Variants in TBC1D19 observed in about 807,000 individuals in gnomAD.
TBC1D19 encodes the protein TBC1 domain family member 19, also known as TBC1 domain family, member 19.
In TBC1D19, 60 loss-of-function variants were observed where a neutral mutation model predicts 89.0. The ratio of observed to expected loss-of-function variants is 0.67; its 90% CI spans 0.55 to 0.84. TBC1D19 has a LOEUF of 0.84. TBC1D19 is among the 40% of genes least tolerant of loss of function. The pLI is 0.00. For missense variants in TBC1D19, 500 were observed against 610.8 expected (o/e 0.82, Z 1.91); for synonymous variants, 189 against 199.7 (o/e 0.95, Z 0.45).
the TBC1D19 span, among the ~76,000 whole-genome samples, chr4:26,784,084 A>G: frequency 2.0e-5 from 3 of 152,068 alleles, no homozygotes; most frequent in African/African-American, 7.2e-5. Context: ...ATTTTTGGCC[A>G]CTCAATGGCT....
chr4:26,718,140 A>T (rs1229637550), intron 14 of TBC1D19, 123 bp downstream of exon 14: 1 of 677,586 alleles, frequency 1.5e-6, no homozygotes, highest in African/African-American at 1.8e-5. Context: ...TTTCTCTCAG[A>T]TGACCGTAAT....
intron 17 of TBC1D19, chr4:26,740,737 A>C: frequency 4.1e-6 from 4 of 985,364 alleles, no homozygotes; most frequent in Non-Finnish European, 3.6e-6. Flanking sequence ...ACTCCAGGTG[A>C]AACATTCAAT....
the TBC1D19 span, among the ~76,000 whole-genome samples, chr4:26,762,941 G>A: frequency 6.6e-6 from 1 of 152,082 alleles, no homozygotes; most frequent in Non-Finnish European, 1.5e-5. Context: ...TAGGACTTTT[G>A]ACCTCCAGAA....
chr4:26,839,618 C>T, the TBC1D19 span, among the ~76,000 whole-genome samples: 4 of 152,000 alleles, frequency 2.6e-5, no homozygotes, highest in Admixed American at 6.6e-5. Context: ...AAAAATTAGT[C>T]TCTACCCTTG....
Position 26,637,403 on chromosome 4 carries a change from T to C in TBC1D19, c.369+118T>C, listed in dbSNP as rs570712376. 2.1e-5 allele frequency: 17 copies of C among 808,386 alleles called. No homozygotes were observed. In the East Asian group the frequency reaches 3.8e-4, roughly 18 times the overall value. 50.1% of individuals were successfully genotyped at this position (808,386 alleles called of 1,614,324 possible). On this transcript the variant is annotated intron_variant, in intron 5 of 20. Coordinates refer to ENST00000264866, the MANE Select transcript of TBC1D19 (RefSeq NM_018317.4). ...ATTTATTTATTTAGAGACAGAGTCTTGCTCTGTCACCCAGGCTGGAGTGCA... is the reference window on the plus strand; with the variant it reads ...ATTTATTTATTTAGAGACAGAGTCTCGCTCTGTCACCCAGGCTGGAGTGCA...
chr4:26,811,276 G>A, the TBC1D19 span, among the ~76,000 whole-genome samples: 3 of 152,362 alleles, frequency 2.0e-5, no homozygotes, highest in East Asian at 1.9e-4. Flanking sequence ...AACACTGCAT[G>A]TTCTCACTCA....
chr4:26,851,860 C>T, the TBC1D19 span, among the ~76,000 whole-genome samples: 6 of 152,262 alleles, frequency 3.9e-5, no homozygotes, highest in East Asian at 9.7e-4. Context: ...GGACTACAGG[C>T]GTGTGCCACC....
intron 1 of TBC1D19, among the ~76,000 whole-genome samples, chr4:26,586,915 C>T (rs1189252992): frequency 6.6e-6 from 1 of 152,098 alleles, no homozygotes; most frequent in African/African-American, 2.4e-5. Flanking sequence ...TTACTTCTTC[C>T]TTTCCAATCC....
At chr4:26,731,065 A>T (rs999869386) in intron 15 of TBC1D19, among the ~76,000 whole-genome samples, 5 of 152,210 alleles carry the variant, frequency 3.3e-5, no homozygotes, top group African/African-American at 4.8e-5. Flanking sequence ...CAGGTTAAGT[A>T]ACATACGTAA....
At chr4:26,640,963 G>T (rs1332154921) in intron 7 of TBC1D19, among the ~76,000 whole-genome samples, 1 of 152,168 alleles carries the variant, frequency 6.6e-6, no homozygotes, top group Non-Finnish European at 1.5e-5. Context: ...CTCCATCTCT[G>T]GGGGCAGGGC....
chr4:26,803,049 G>C, the TBC1D19 span, among the ~76,000 whole-genome samples: 2 of 152,028 alleles, frequency 1.3e-5, no homozygotes, highest in Non-Finnish European at 2.9e-5. Flanking sequence ...TCTCCTAAAG[G>C]CTCCACCTCT....
intron 8 of TBC1D19, among the ~76,000 whole-genome samples, chr4:26,664,382 C>T (rs1711595570): frequency 6.6e-6 from 1 of 152,064 alleles, no homozygotes; most frequent in African/African-American, 2.4e-5. Flanking sequence ...TCTGTTCATG[C>T]TTTTTAACAT....
Position 26,739,848 on chromosome 4 carries a change from A to T in TBC1D19, c.1118-16A>T. ...CAGTAGTTCTGCAGTATTATAAATT[A>T]ATTTTTTTCTTTCAGTTGCACCACT... On this transcript the variant is annotated splice_polypyrimidine_tract_variant and intron_variant, in intron 16 of 20. Coordinates refer to ENST00000264866, the MANE Select transcript of TBC1D19 (RefSeq NM_018317.4). 1 of 1,453,406 alleles carries T rather than the reference A, an allele frequency of 6.9e-7. No individual in the cohort carries two copies. The highest frequency in any genetic ancestry group is 9.4e-7 in the Non-Finnish European group (1 of 1,068,826). 90.0% of individuals were successfully genotyped at this position (1,453,406 alleles called of 1,614,324 possible).
intron 6 of TBC1D19, 41 bp downstream of exon 6, chr4:26,638,875 A>G: frequency 6.9e-7 from 1 of 1,438,884 alleles, no homozygotes; most frequent in Non-Finnish European, 9.6e-7. Flanking sequence ...GTGGAAAAAT[A>G]ATTGCCTTCT....
At chr4:26,579,608 C>G (rs774484700), upstream of TBC1D19, among the ~76,000 whole-genome samples, 1 of 151,904 alleles carries the variant, frequency 6.6e-6, no homozygotes, top group Non-Finnish European at 1.5e-5. Context: ...CCATCATCTA[C>G]GTTTTAAGCC....
In TBC1D19 at chr4:26,584,150, G is replaced by C; in HGVS notation, c.-44G>C. 6.3e-7 allele frequency: 1 copy of C among 1,587,264 alleles called. No homozygotes were observed. Among genetic ancestry groups the C allele is most frequent in the Non-Finnish European group, 8.6e-7 (1 of 1,166,140 alleles). On this transcript the variant is annotated 5_prime_UTR_variant, in exon 1 of 21. Coordinates refer to ENST00000264866, the MANE Select transcript of TBC1D19 (RefSeq NM_018317.4). ...GGACCCGGTAGCCCGTTCGCTCCGCGCCGGCGGCCTGTCCCCGCGGCTTGG... is the reference window on the plus strand; with the variant it reads ...GGACCCGGTAGCCCGTTCGCTCCGCCCCGGCGGCCTGTCCCCGCGGCTTGG...
At position 26,613,345 on chromosome 4, in the gene TBC1D19, C is replaced by T. The variant is rs115720834; in HGVS notation, c.172+104C>T. 3.7e-3 allele frequency: 2,650 copies of T among 718,666 alleles called. 43 individuals are homozygous for T. In the African/African-American group the frequency reaches 0.043, roughly 12 times the overall value. The allele number at this position is 718,666 out of a possible 1,614,324, so 44.5% of individuals were successfully genotyped here. A position where few individuals can be genotyped will look rare whatever the true frequency, so the allele number is the denominator to read the frequency against. ...TTGTACAACCACCTTACTTTGTTGT[C>T]GTTCTGTTTTGTTTTGTTTTAGGCT... On this transcript the variant is annotated intron_variant, in intron 2 of 20. Coordinates refer to ENST00000264866, the MANE Select transcript of TBC1D19 (RefSeq NM_018317.4).
At chr4:26,625,927 T>G (rs1577827418) in intron 4 of TBC1D19, among the ~76,000 whole-genome samples, 1 of 152,096 alleles carries the variant, frequency 6.6e-6, no homozygotes, top group Admixed American at 6.6e-5. Context: ...AATGTTACTC[T>G]TTTTCCCTCT....
chr4:26,788,221 G>C, the TBC1D19 span, among the ~76,000 whole-genome samples: 6 of 152,080 alleles, frequency 3.9e-5, no homozygotes, highest in East Asian at 7.7e-4. Flanking sequence ...AACCACACAG[G>C]GGGGCTGACA....
Sources: allele counts gnomAD v4.1 joint callset (sites outside exome capture counted in the v4.1 genomes callset), GRCh38; gene constraint gnomAD v4.1.1; transcripts MANE v1.5; gene names NCBI Gene and HGNC (gene_info 2026-07-23, HGNC 2026-07-21).